Variants in TASP1 observed in about 807,000 individuals in gnomAD.
TASP1 encodes threonine aspartase 1.
A neutral mutation model predicts 56.6 loss-of-function variants in TASP1; 16 were observed. The ratio of observed to expected loss-of-function variants is 0.28; its 90% CI spans 0.19 to 0.43. The LOEUF (loss-of-function observed/expected upper bound fraction) is 0.43. TASP1 is among the 20% of genes least tolerant of loss of function. The pLI is 1.00. For missense variants in TASP1, 393 were observed against 511.6 expected, an observed-to-expected ratio of 0.77 and a Z score of 2.24; for synonymous variants, 179 against 184.2, an observed-to-expected ratio of 0.97 and a Z score of 0.23.
the TASP1 span, among the ~76,000 whole-genome samples, chr20:13,373,345 C>G: frequency 6.6e-6 from 1 of 151,900 alleles, no homozygotes; most frequent in Admixed American, 6.6e-5. Flanking sequence ...TATCAGTGCT[C>G]TTTGTTTTTT....
chr20:13,619,499 A>G (rs1402619132), intron 4 of TASP1, among the ~76,000 whole-genome samples: 1 of 152,234 alleles, frequency 6.6e-6, no homozygotes, highest in African/African-American at 2.4e-5. Flanking sequence ...TCCATGAAAC[A>G]CTTTCTACTT....
chr20:13,319,773 G>T, the TASP1 span, among the ~76,000 whole-genome samples: 25 of 152,314 alleles, frequency 1.6e-4, no homozygotes, highest in South Asian at 4.8e-3. Flanking sequence ...TGAGAGAGAC[G>T]TGGGGACAGC....
chr20:13,631,377 G>C (rs1268454829), intron 1 of TASP1, among the ~76,000 whole-genome samples: 1 of 152,092 alleles, frequency 6.6e-6, no homozygotes, highest in Non-Finnish European at 1.5e-5. Context: ...GGTGTGTTTT[G>C]TCTTCCTAAC....
At chr20:13,636,440 G>A (rs946475789) in intron 1 of TASP1, among the ~76,000 whole-genome samples, 3 of 151,512 alleles carry the variant, frequency 2.0e-5, no homozygotes, top group Non-Finnish European at 2.9e-5. Context: ...GATTACAGGC[G>A]TGAGCCACCA....
At chr20:13,272,418 T>C in the TASP1 span, among the ~76,000 whole-genome samples, 1 of 152,174 alleles carries the variant, frequency 6.6e-6, no homozygotes, top group Non-Finnish European at 1.5e-5. Flanking sequence ...GTAAGACCTG[T>C]TCCCTCCAAT....
At chr20:13,600,452 C>T (rs1319984700) in intron 4 of TASP1, 1 of 151,862 alleles carries the variant, frequency 6.6e-6, no homozygotes, top group Non-Finnish European at 1.5e-5. Flanking sequence ...TCAATTTTTG[C>T]CAAAGGTGGC....
At chr20:13,439,266 T>A (rs567693092) in intron 11 of TASP1, among the ~76,000 whole-genome samples, 238 of 152,256 alleles carry the variant, frequency 1.6e-3, no homozygotes, top group Admixed American at 3.0e-3. Flanking sequence ...CAAATGTCCA[T>A]CAATGATAGA....
At position 13,439,621 on chromosome 20, in the gene TASP1, T is replaced by C. The variant is rs545991680; in HGVS notation, c.986-4467A>G. Among the ~76,000 whole-genome samples, 12 of 152,072 alleles carry C rather than the reference T, an allele frequency of 7.9e-5. No homozygotes were observed. In the South Asian group the frequency reaches 1.5e-3, roughly 18 times the overall value. ...TGTATACATATGTAACTAACCTGCA[T>C]GTTGTGCACATGTACCCTAAAACTT... On this transcript the variant is annotated intron_variant, in intron 11 of 13. Transcript: ENST00000337743.
chr20:13,143,420 T>C, the TASP1 span, among the ~76,000 whole-genome samples: 9 of 152,248 alleles, frequency 5.9e-5, no homozygotes, highest in Non-Finnish European at 1.2e-4. Flanking sequence ...TTAATCCTCA[T>C]AACAGTATGC....
chr20:13,553,113 G>C (rs1191894048), intron 8 of TASP1, among the ~76,000 whole-genome samples: 1 of 151,952 alleles, frequency 6.6e-6, no homozygotes, highest in East Asian at 1.9e-4. Context: ...TTTTTCTTTT[G>C]TATTTACATA....
intron 11 of TASP1, among the ~76,000 whole-genome samples, chr20:13,455,576 C>G (rs916020096): frequency 1.3e-5 from 2 of 152,002 alleles, no homozygotes; most frequent in African/African-American, 4.8e-5. Flanking sequence ...GGGGACAATG[C>G]CCCAAATAAA....
At chr20:13,260,151 G>A in the TASP1 span, among the ~76,000 whole-genome samples, 7 of 152,198 alleles carry the variant, frequency 4.6e-5, no homozygotes, top group African/African-American at 1.7e-4. Context: ...GTACAGGCAG[G>A]TGGCAAAGGG....
chr20:13,393,836 AC>A (rs1448658167), intron 13 of TASP1, among the ~76,000 whole-genome samples: 4 of 151,784 alleles, frequency 2.6e-5, no homozygotes, highest in East Asian at 1.9e-4. Context: ...AGGGAGCCCC[AC>A]CCTGTTGTAT....
chr20:13,507,909 G>A (rs539641272), intron 10 of TASP1, among the ~76,000 whole-genome samples: 24 of 152,186 alleles, frequency 1.6e-4, no homozygotes, highest in Admixed American at 3.3e-4. Flanking sequence ...AGAATAGAAA[G>A]CCTAGAAATA....
At chr20:13,225,885 T>C in the TASP1 span, among the ~76,000 whole-genome samples, 12 of 152,172 alleles carry the variant, frequency 7.9e-5, no homozygotes, top group Admixed American at 7.8e-4. Flanking sequence ...GATATGGATA[T>C]AGATATAGAT....
chr20:13,522,284 T>C (rs982598017), intron 10 of TASP1, among the ~76,000 whole-genome samples: 1 of 152,068 alleles, frequency 6.6e-6, no homozygotes, highest in African/African-American at 2.4e-5. Context: ...GAACACCAGT[T>C]GCAGGGTTGC....
chr20:13,246,614 T>C, the TASP1 span, among the ~76,000 whole-genome samples: 1 of 152,216 alleles, frequency 6.6e-6, no homozygotes, highest in Admixed American at 6.5e-5. Context: ...GTTTTTTCAT[T>C]TTATAGATGA....
the TASP1 span, among the ~76,000 whole-genome samples, chr20:13,209,136 GAGTTCTGA>G: frequency 6.6e-6 from 1 of 152,142 alleles, no homozygotes; most frequent in East Asian, 1.9e-4. Flanking sequence ...CTTTCAGCTT[GAGTTCTGA>G]AATGCAAACA....
the TASP1 span, among the ~76,000 whole-genome samples, chr20:13,321,818 T>C: frequency 2.0e-5 from 3 of 152,200 alleles, no homozygotes; most frequent in Non-Finnish European, 2.9e-5. Context: ...TGTCGAAGTG[T>C]GTGTAGAGAC....
Sources: allele counts gnomAD v4.1 joint callset (sites outside exome capture counted in the v4.1 genomes callset), GRCh38; gene constraint gnomAD v4.1.1; transcripts MANE v1.5; gene names NCBI Gene and HGNC (gene_info 2026-07-23, HGNC 2026-07-21).